The following ZFHX3 variants were observed in gnomAD, a reference collection of about 807,000 sequenced individuals.
ZFHX3 encodes the protein zinc finger homeobox protein 3.
ZFHX3 carries 42 observed loss-of-function variants against 279.1 expected under a neutral mutation model. That is an observed-to-expected ratio of 0.15 (90% CI 0.12 to 0.19). ZFHX3 has a LOEUF of 0.19. Among genes scored for constraint, ZFHX3 ranks in the 10% least tolerant of loss-of-function variants. The probability of loss-of-function intolerance (pLI) is 1.00; values close to 1 mark genes in which losing one functional copy is unlikely to be tolerated. For synonymous variants in ZFHX3, 2,293 were observed against 1,957.8 expected (o/e 1.17, Z -4.52); for missense variants, 4,981 against 4,754.0 (o/e 1.05, Z -1.40).
chr16:73,008,542 A>G (rs1223441797), intron 1 of ZFHX3, among the ~76,000 whole-genome samples: 1 of 152,228 alleles, frequency 6.6e-6, no homozygotes, highest in Admixed American at 6.5e-5. Flanking sequence ...GAAGGGATAT[A>G]ACCACCATTG....
intron 4 of ZFHX3, among the ~76,000 whole-genome samples, chr16:72,838,978 T>C (rs2037273293): frequency 2.0e-5 from 3 of 151,980 alleles, no homozygotes; most frequent in South Asian, 2.1e-4. Context: ...GCTCTCGGAA[T>C]ACACGCTAAG....
intron 1 of ZFHX3, among the ~76,000 whole-genome samples, chr16:73,872,812 G>A: frequency 1.2e-4 from 1 of 8,154 alleles, no homozygotes; most frequent in Non-Finnish European, 2.3e-4. Context: ...GTGGGTGGTG[G>A]GTGGTGGTGG....
At chr16:73,593,345 T>C (rs1194524337) in intron 2 of ZFHX3, among the ~76,000 whole-genome samples, 2 of 151,864 alleles carry the variant, frequency 1.3e-5, no homozygotes, top group East Asian at 3.9e-4. Flanking sequence ...AAAACATCAA[T>C]CAAAAAATAG....
At chr16:73,657,405 C>A (rs139220868) in intron 2 of ZFHX3, among the ~76,000 whole-genome samples, 4,370 of 152,290 alleles carry the variant, frequency 0.029, 225 homozygotes, top group African/African-American at 0.1. Context: ...TTGCAGCGAG[C>A]CAAGATCGCG....
At chr16:73,012,920 T>C (rs1963964459) in intron 1 of ZFHX3, among the ~76,000 whole-genome samples, 1 of 152,192 alleles carries the variant, frequency 6.6e-6, no homozygotes, top group Non-Finnish European at 1.5e-5. Flanking sequence ...TCATTTGCAA[T>C]ATCTCTTGTA....
chr16:73,507,109 A>G (rs2019340514), intron 2 of ZFHX3, among the ~76,000 whole-genome samples: 1 of 152,116 alleles, frequency 6.6e-6, no homozygotes, highest in African/African-American at 2.4e-5. Context: ...CAGTTTTAGC[A>G]AGGCTTTTTG....
chr16:73,629,874 T>A (rs1168265582), intron 2 of ZFHX3, among the ~76,000 whole-genome samples: 1 of 152,182 alleles, frequency 6.6e-6, no homozygotes, highest in East Asian at 1.9e-4. Flanking sequence ...TGGTTTGAAC[T>A]GATAGTCTCT....
At chr16:72,923,680 C>G (rs1020529103) in intron 3 of ZFHX3, among the ~76,000 whole-genome samples, 1 of 152,090 alleles carries the variant, frequency 6.6e-6, no homozygotes. Flanking sequence ...CCTACAACAT[C>G]GCTTCCCAGA....
chr16:73,158,440 C>G (rs969651771), intron 5 of ZFHX3, among the ~76,000 whole-genome samples: 2 of 152,076 alleles, frequency 1.3e-5, no homozygotes, highest in Non-Finnish European at 2.9e-5. Context: ...TTCTTCTCTT[C>G]CCTTCCTTCC....
chr16:73,269,993 T>C (rs145817281), intron 4 of ZFHX3, among the ~76,000 whole-genome samples: 2,781 of 152,144 alleles, frequency 0.018, 31 homozygotes, highest in Middle Eastern at 0.051. Flanking sequence ...GGTGATCCAC[T>C]CACCTCGGGC....
At chr16:73,690,282 G>A (rs997973016) in intron 1 of ZFHX3, among the ~76,000 whole-genome samples, 10 of 152,098 alleles carry the variant, frequency 6.6e-5, no homozygotes, top group Admixed American at 5.9e-4. Flanking sequence ...AGATCTGTTC[G>A]TATCTTAGCA....
At chr16:72,974,832 G>A (rs1962276469) in intron 1 of ZFHX3, among the ~76,000 whole-genome samples, 1 of 152,134 alleles carries the variant, frequency 6.6e-6, no homozygotes, top group East Asian at 1.9e-4. Flanking sequence ...GACCCCTTTG[G>A]GATGTGCGTA....
At chr16:73,457,015 G>A (rs1423269474) in intron 2 of ZFHX3, among the ~76,000 whole-genome samples, 1 of 152,148 alleles carries the variant, frequency 6.6e-6, no homozygotes, top group Non-Finnish European at 1.5e-5. Context: ...ACATTCAGGT[G>A]GAAGGAAATC....
intron 1 of ZFHX3, among the ~76,000 whole-genome samples, chr16:73,752,055 T>A (rs943491655): frequency 2.6e-5 from 4 of 152,148 alleles, no homozygotes; most frequent in African/African-American, 7.2e-5. Context: ...CCATAAGATC[T>A]ATAAGCAGAG....
In ZFHX3 at chr16:72,787,566, A is replaced by T. The variant is rs1370334439; in HGVS notation, c.10710T>A (p.Ser3570Arg). Reference protein sequence around the residue: ...RAARNAKEHPSLLPHSACFPD... With the variant: ...RAARNAKEHPRLLPHSACFPD... ...GGAAGCAGGCAGAGTGAGGTAATAA[A>T]CTAGGGTGCTCTTTGGCGTTTCTTG... The change falls in exon 10 of 10, where the codon AGT becomes AGA. Residue 3570 changes from serine (S) to arginine (R), a missense_variant. Coordinates refer to ENST00000268489, the MANE Select transcript of ZFHX3 (RefSeq NM_006885.4). 1 of 1,613,784 alleles carries T rather than the reference A, an allele frequency of 6.2e-7. No homozygotes were observed. Among genetic ancestry groups the T allele is most frequent in the Non-Finnish European group, 8.5e-7 (1 of 1,179,906 alleles).
chr16:73,014,371 G>C (rs931723739), intron 1 of ZFHX3: 1 of 149,890 alleles, frequency 6.7e-6, no homozygotes, highest in African/African-American at 2.5e-5. Flanking sequence ...CTTTAGACAT[G>C]AACATGCATA....
chr16:73,781,317 C>T (rs1419589923), intron 1 of ZFHX3, among the ~76,000 whole-genome samples: 1 of 152,206 alleles, frequency 6.6e-6, no homozygotes, highest in Non-Finnish European at 1.5e-5. Flanking sequence ...TGTGATTAAG[C>T]AGCTCGATTA....
chr16:73,388,725 C>G (rs932248622), intron 3 of ZFHX3: 13 of 152,216 alleles, frequency 8.5e-5, no homozygotes, highest in African/African-American at 3.1e-4. Context: ...TATTAGAAGG[C>G]CTCTGTGACA....
At chr16:72,883,048 G>A (rs958605637) in intron 4 of ZFHX3, among the ~76,000 whole-genome samples, 1 of 125,020 alleles carries the variant, frequency 8.0e-6, no homozygotes, top group African/African-American at 3.0e-5. Context: ...GTGTGTGTGT[G>A]TGTGTAGCGG....
Sources: gnomAD v4.1 joint callset for allele counts (sites outside exome capture counted in the v4.1 genomes callset) on GRCh38, gnomAD v4.1.1 for gene constraint, MANE v1.5 for transcripts, NCBI Gene and HGNC (gene_info 2026-07-23, HGNC 2026-07-21) for gene names.